Variants in BRINP3 observed in about 807,000 individuals in gnomAD.
BRINP3 encodes the protein BMP/retinoic acid-inducible neural-specific protein 3.
A neutral mutation model predicts 71.0 loss-of-function variants in BRINP3; 19 were observed. That is an observed-to-expected ratio of 0.27 (90% confidence interval 0.19 to 0.39). The LOEUF (loss-of-function observed/expected upper bound fraction) is 0.39, where lower values mean the gene tolerates loss of function less well. Among genes scored for constraint, BRINP3 ranks in the 10% least tolerant of loss-of-function variants. The pLI, the probability that BRINP3 is intolerant of heterozygous loss-of-function variation, is 1.00. For missense variants in BRINP3, 959 were observed against 940.8 expected (o/e 1.02, Z -0.25); for synonymous variants, 380 against 337.7 (o/e 1.13, Z -1.37).
intron 6 of BRINP3, among the ~76,000 whole-genome samples, chr1:190,176,091 T>C (rs1319725993): frequency 1.3e-5 from 2 of 152,188 alleles, no homozygotes; most frequent in Admixed American, 1.3e-4. Context: ...CGTTGCACCA[T>C]ATAACAACAA....
At chr1:190,286,864 T>A (rs371131613) in intron 2 of BRINP3, among the ~76,000 whole-genome samples, 1 of 152,232 alleles carries the variant, frequency 6.6e-6, no homozygotes, top group South Asian at 2.1e-4. Context: ...ATGGCACTAA[T>A]GTCAATATTG....
At chr1:190,293,284 T>A (rs1664008271) in intron 2 of BRINP3, among the ~76,000 whole-genome samples, 2 of 152,140 alleles carry the variant, frequency 1.3e-5, no homozygotes, top group African/African-American at 4.8e-5. Flanking sequence ...AATACATAAG[T>A]CATTCAGTAG....
chr1:190,457,738 C>T (rs1676098344), intron 1 of BRINP3, among the ~76,000 whole-genome samples: 1 of 152,088 alleles, frequency 6.6e-6, no homozygotes, highest in Admixed American at 6.5e-5. Context: ...TGTACTCACA[C>T]ATGTGATTTT....
chr1:190,381,763 T>C (rs887494837), intron 2 of BRINP3, among the ~76,000 whole-genome samples: 1 of 152,186 alleles, frequency 6.6e-6, no homozygotes, highest in Admixed American at 6.6e-5. Flanking sequence ...CCAATTTCAT[T>C]TAACACACAC....
intron 2 of BRINP3, among the ~76,000 whole-genome samples, chr1:190,422,074 G>C (rs1207719063): frequency 6.6e-6 from 1 of 151,686 alleles, no homozygotes; most frequent in Non-Finnish European, 1.5e-5. Context: ...TGCCAGTTCT[G>C]CCTCTTAATA....
chr1:190,133,337 C>G (rs1239788169), intron 7 of BRINP3, among the ~76,000 whole-genome samples: 1 of 151,942 alleles, frequency 6.6e-6, no homozygotes, highest in Non-Finnish European at 1.5e-5. Context: ...CAAATATTTA[C>G]CAAACATCTA....
intron 3 of BRINP3, among the ~76,000 whole-genome samples, chr1:190,274,223 T>C (rs781567047): frequency 1.3e-5 from 2 of 151,592 alleles, no homozygotes; most frequent in Non-Finnish European, 3.0e-5. Flanking sequence ...GCAACAATTA[T>C]TGTTATGATC....
At chr1:190,165,821 A>G (rs1169340528) in intron 6 of BRINP3, among the ~76,000 whole-genome samples, 1 of 152,144 alleles carries the variant, frequency 6.6e-6, no homozygotes, top group Non-Finnish European at 1.5e-5. Flanking sequence ...AGAAAGACTC[A>G]CGGCAAGAAA....
At chr1:190,243,852 T>A (rs1364403072) in intron 4 of BRINP3, among the ~76,000 whole-genome samples, 1 of 152,158 alleles carries the variant, frequency 6.6e-6, no homozygotes, top group Non-Finnish European at 1.5e-5. Context: ...CAGTGTTGAT[T>A]ATATTCATTT....
At chr1:190,203,974 A>G (rs1655267790) in intron 6 of BRINP3, among the ~76,000 whole-genome samples, 1 of 151,168 alleles carries the variant, frequency 6.6e-6, no homozygotes, top group Non-Finnish European at 1.5e-5. Context: ...TGTTACAAAT[A>G]TTGGCCTTGA....
chr1:190,366,112 CTGT>C (rs1331228543), intron 2 of BRINP3, among the ~76,000 whole-genome samples: 1 of 149,360 alleles, frequency 6.7e-6, no homozygotes, highest in African/African-American at 2.5e-5. Context: ...AAATTTTTCT[CTGT>C]TGTTACTTTG....
chr1:190,174,984 T>C (rs1010331555), intron 6 of BRINP3, among the ~76,000 whole-genome samples: 1 of 152,106 alleles, frequency 6.6e-6, no homozygotes, highest in Non-Finnish European at 1.5e-5. Context: ...AAAATCACCA[T>C]TACTATCCTT....
intron 7 of BRINP3, 84 bp downstream of exon 7, chr1:190,160,584 T>G (rs1657264174): frequency 9.1e-7 from 1 of 1,099,518 alleles, no homozygotes; most frequent in Non-Finnish European, 1.3e-6. Flanking sequence ...ATTTGTATAT[T>G]AACACACCTG....
chr1:190,454,206 C>T (rs377322307), intron 2 of BRINP3, among the ~76,000 whole-genome samples: 2 of 152,118 alleles, frequency 1.3e-5, no homozygotes, highest in East Asian at 1.9e-4. Flanking sequence ...AGCTTCTGAA[C>T]GTACAATTAC....
At chr1:190,118,636 C>T (rs1202103040) in intron 7 of BRINP3, among the ~76,000 whole-genome samples, 1 of 152,086 alleles carries the variant, frequency 6.6e-6, no homozygotes, top group Non-Finnish European at 1.5e-5. Context: ...AATGGCTGAG[C>T]TGGGATTTGA....
At chr1:190,416,624 A>C (rs1673018988) in intron 2 of BRINP3, among the ~76,000 whole-genome samples, 1 of 152,186 alleles carries the variant, frequency 6.6e-6, no homozygotes, top group African/African-American at 2.4e-5. Flanking sequence ...TATGTCTCTA[A>C]CATAAATGAG....
intron 3 of BRINP3, among the ~76,000 whole-genome samples, chr1:190,268,183 C>T (rs1661815291): frequency 6.6e-6 from 1 of 152,066 alleles, no homozygotes; most frequent in African/African-American, 2.4e-5. Flanking sequence ...CGCTGCTATC[C>T]TCTATTACTT....
intron 5 of BRINP3, among the ~76,000 whole-genome samples, chr1:190,233,318 A>G (rs1005086586): frequency 2.2e-4 from 34 of 151,936 alleles, no homozygotes; most frequent in African/African-American, 7.5e-4. Context: ...CAGCCTCCTG[A>G]GTAGCTGGGA....
chr1:190,155,175 T>A (rs530293913), intron 7 of BRINP3, among the ~76,000 whole-genome samples: 34 of 152,272 alleles, frequency 2.2e-4, no homozygotes, highest in Admixed American at 7.9e-4. Flanking sequence ...ATGACATAGC[T>A]CTTATATAAT....
Sources: gnomAD v4.1 joint callset for allele counts (sites outside exome capture counted in the v4.1 genomes callset) on GRCh38, gnomAD v4.1.1 for gene constraint, MANE v1.5 for transcripts, NCBI Gene and HGNC (gene_info 2026-07-23, HGNC 2026-07-21) for gene names.